PDE1C: variants seen among roughly 807,000 people sequenced by gnomAD.
PDE1C encodes the protein phosphodiesterase 1C, also known as dual specificity calcium/calmodulin-dependent 3',5'-cyclic nucleotide phosphodiesterase 1C.
Under a neutral mutation model 93.1 loss-of-function variants are expected in PDE1C, and 62 were observed. That is an observed-to-expected ratio of 0.67 (90% CI 0.54 to 0.82). The LOEUF is 0.82. PDE1C is among the 40% of genes least tolerant of loss of function. PDE1C has a pLI of 0.00. For missense variants in PDE1C, 742 were observed against 884.6 expected (o/e 0.84, Z 2.04); for synonymous variants, 325 against 310.1 (o/e 1.05, Z -0.50).
intron 1 of PDE1C, among the ~76,000 whole-genome samples, chr7:32,417,505 A>T (rs1464529108): frequency 6.6e-6 from 1 of 152,154 alleles, no homozygotes; most frequent in East Asian, 1.9e-4. Flanking sequence ...ACAGATGAGG[A>T]ATCTGAAGTT....
At chr7:32,020,232 G>A (rs1034581558) in intron 2 of PDE1C, among the ~76,000 whole-genome samples, 1 of 152,006 alleles carries the variant, frequency 6.6e-6, no homozygotes, top group Non-Finnish European at 1.5e-5. Flanking sequence ...CCTTCAATAA[G>A]CATTTGTTCC....
intron 16 of PDE1C, among the ~76,000 whole-genome samples, chr7:31,781,684 A>G (rs75697504): frequency 0.034 from 4,955 of 145,920 alleles, 271 homozygotes; most frequent in African/African-American, 0.12. Context: ...GAGGTCTTCA[A>G]CGCCCCACCC....
chr7:32,245,968 CTTTT>C (rs369247468), intron 1 of PDE1C, among the ~76,000 whole-genome samples: 1 of 94,838 alleles, frequency 1.1e-5, no homozygotes, highest in African/African-American at 3.7e-5. Context: ...TTTTTCTTTT[CTTTT>C]TTTTTTTTTT....
chr7:32,153,459 A>T (rs1006710607), intron 3 of PDE1C, among the ~76,000 whole-genome samples: 2 of 152,174 alleles, frequency 1.3e-5, no homozygotes, highest in African/African-American at 4.8e-5. Flanking sequence ...GGCAGTGTGG[A>T]TGGAGAAGAA....
chr7:32,233,252 T>C (rs1807833603), intron 1 of PDE1C, among the ~76,000 whole-genome samples: 1 of 151,738 alleles, frequency 6.6e-6, no homozygotes, highest in African/African-American at 2.4e-5. Flanking sequence ...AACTTAAGAG[T>C]AGGCAGGAAA....
intron 1 of PDE1C, among the ~76,000 whole-genome samples, chr7:32,416,098 C>T (rs1329113225): frequency 6.6e-5 from 10 of 152,196 alleles, no homozygotes; most frequent in Non-Finnish European, 1.3e-4. Flanking sequence ...ACTTGACATG[C>T]CTGCCACTAG....
At chr7:32,370,232 G>A (rs1392895158) in intron 1 of PDE1C, among the ~76,000 whole-genome samples, 1 of 152,058 alleles carries the variant, frequency 6.6e-6, no homozygotes, top group African/African-American at 2.4e-5. Context: ...GGCGGATCAC[G>A]AGGTCAGGAG....
At position 31,834,966 on chromosome 7, in the gene PDE1C, T is replaced by A. The variant is rs375792489; in HGVS notation, c.1203+2214A>T. Among the ~76,000 whole-genome samples, 47 of 152,194 alleles carry A rather than the reference T, an allele frequency of 3.1e-4. 1 individual carries two copies. The highest frequency in any genetic ancestry group is 6.8e-3 in the Middle Eastern group (2 of 294). ...ATGAACCTGGTGAGAGATAACTGAA[T>A]CCTGGGTGCGGTTTCCCCCATACTG... On this transcript the variant is annotated intron_variant, in intron 11 of 17. Coordinates refer to ENST00000396191, the MANE Select transcript of PDE1C (RefSeq NM_001191057.4).
intron 1 of PDE1C, among the ~76,000 whole-genome samples, chr7:32,228,280 A>C (rs1428468836): frequency 6.6e-6 from 1 of 152,216 alleles, no homozygotes; most frequent in Non-Finnish European, 1.5e-5. Flanking sequence ...AGGAAACTGC[A>C]TAGGGGATTG....
chr7:31,725,473 T>C, the PDE1C span, among the ~76,000 whole-genome samples: 1 of 152,212 alleles, frequency 6.6e-6, no homozygotes, highest in Admixed American at 6.5e-5. Context: ...AACTGAGAAC[T>C]TCCTGAGCTC....
intron 2 of PDE1C, among the ~76,000 whole-genome samples, chr7:31,883,683 T>G: frequency 6.6e-6 from 1 of 152,212 alleles, no homozygotes; most frequent in East Asian, 1.9e-4. Flanking sequence ...TGAAGGGGCC[T>G]CATATCACCT....
intron 1 of PDE1C, among the ~76,000 whole-genome samples, chr7:32,220,875 T>A (rs988197710): frequency 6.6e-6 from 1 of 152,040 alleles, no homozygotes; most frequent in African/African-American, 2.4e-5. Context: ...CATGCATGGA[T>A]CCCCTACAAC....
chr7:31,983,622 AAT>A (rs1491441847), intron 2 of PDE1C, among the ~76,000 whole-genome samples: 4 of 151,296 alleles, frequency 2.6e-5, no homozygotes, highest in Middle Eastern at 6.9e-3. Flanking sequence ...CTCTAAAAAA[AAT>A]AATAATTTTT....
At chr7:31,619,831 G>A in the PDE1C span, among the ~76,000 whole-genome samples, 1 of 152,180 alleles carries the variant, frequency 6.6e-6, no homozygotes, top group East Asian at 1.9e-4. Context: ...AGCGCAAGGG[G>A]TCAGGGAGTT....
chr7:32,337,426 C>T (rs911967598), intron 1 of PDE1C, among the ~76,000 whole-genome samples: 1 of 152,102 alleles, frequency 6.6e-6, no homozygotes, highest in Non-Finnish European at 1.5e-5. Flanking sequence ...AAAACCAAAA[C>T]TAGTATAGTT....
chr7:31,733,403 A>G, the PDE1C span, among the ~76,000 whole-genome samples: 1 of 152,182 alleles, frequency 6.6e-6, no homozygotes, highest in Non-Finnish European at 1.5e-5. Context: ...AAGCAGTTTC[A>G]CATTCAGTGT....
the PDE1C span, among the ~76,000 whole-genome samples, chr7:31,737,313 A>C: frequency 6.6e-6 from 1 of 152,026 alleles, no homozygotes; most frequent in Admixed American, 6.5e-5. Flanking sequence ...TATAGAAAAA[A>C]ATATATAGAT....
At chr7:31,628,898 A>G in the PDE1C span, among the ~76,000 whole-genome samples, 1 of 152,252 alleles carries the variant, frequency 6.6e-6, no homozygotes, top group Non-Finnish European at 1.5e-5. Context: ...AGTGGACTCA[A>G]CAAGGACAAT....
At chr7:32,387,540 G>C (rs1483096209) in intron 1 of PDE1C, among the ~76,000 whole-genome samples, 1 of 146,712 alleles carries the variant, frequency 6.8e-6, no homozygotes, top group Non-Finnish European at 1.5e-5. Flanking sequence ...GGGGCGGCTG[G>C]CCGGGCAGAG....
Sources: gnomAD v4.1 joint callset for allele counts (sites outside exome capture counted in the v4.1 genomes callset) on GRCh38, gnomAD v4.1.1 for gene constraint, MANE v1.5 for transcripts, NCBI Gene and HGNC (gene_info 2026-07-23, HGNC 2026-07-21) for gene names.